RAD51C: variants seen among roughly 807,000 people sequenced by gnomAD.
RAD51C encodes the protein RAD51 paralog C, also known as DNA repair protein RAD51 homolog 3.
In RAD51C, 42 loss-of-function variants were observed where a neutral mutation model predicts 45.0. The observed-to-expected ratio is 0.93, with a 90% CI of 0.73 to 1.21. RAD51C has a LOEUF of 1.21. RAD51C is among the 50% of genes most tolerant of loss of function. The pLI is 0.00. For missense variants in RAD51C, 474 were observed against 452.2 expected, an observed-to-expected ratio of 1.05 and a Z score of -0.44; for synonymous variants, 172 against 159.8, an observed-to-expected ratio of 1.08 and a Z score of -0.58.
At chr17:58,701,644 C>T (rs986247825) in intron 3 of RAD51C, among the ~76,000 whole-genome samples, 3 of 150,658 alleles carry the variant, frequency 2.0e-5, no homozygotes, top group African/African-American at 7.3e-5. Context: ...GATCTCAGCT[C>T]ACTACAACCT....
intron 1 of RAD51C, chr17:58,693,054 AC>A (rs1306132146): frequency 6.9e-5 from 34 of 490,474 alleles, no homozygotes; most frequent in Non-Finnish European, 1.2e-4. Flanking sequence ...TTAACCCTCA[AC>A]CCGCTTACGT....
chr17:58,698,253 G>A (rs930121326), intron 3 of RAD51C, among the ~76,000 whole-genome samples: 2 of 148,790 alleles, frequency 1.3e-5, no homozygotes, highest in African/African-American at 5.0e-5. Flanking sequence ...CACAATCTCG[G>A]CTCACTGCAA....
chr17:58,716,058 T>TCA (rs2048721668), intron 5 of RAD51C, among the ~76,000 whole-genome samples: 1 of 149,720 alleles, frequency 6.7e-6, no homozygotes, highest in South Asian at 2.1e-4. Context: ...TGAGCCGAGG[T>TCA]CATGCCACTG....
At chr17:58,715,467 A>C (rs1229642507) in intron 5 of RAD51C, among the ~76,000 whole-genome samples, 2 of 151,908 alleles carry the variant, frequency 1.3e-5, no homozygotes, top group South Asian at 4.2e-4. Context: ...AAAAAAAAAA[A>C]AAAAAAAACC....
intron 1 of RAD51C, chr17:58,693,096 A>T (rs2047845574): frequency 2.8e-6 from 1 of 358,986 alleles, no homozygotes; most frequent in Non-Finnish European, 5.2e-6. Context: ...TGGATGAGAG[A>T]ACTGATATCT....
At chr17:58,702,786 C>G (rs1418803609) in intron 3 of RAD51C, among the ~76,000 whole-genome samples, 1 of 151,920 alleles carries the variant, frequency 6.6e-6, no homozygotes, top group African/African-American at 2.4e-5. Context: ...TCCCTTGAGC[C>G]TAGGAATTCG....
At chr17:58,702,001 GT>G (rs35306750) in intron 3 of RAD51C, among the ~76,000 whole-genome samples, 25 of 145,442 alleles carry the variant, frequency 1.7e-4, no homozygotes, top group Non-Finnish European at 2.7e-4. Context: ...TTATTTTTTT[GT>G]TTTTTTTTTT....
At chr17:58,707,532 A>G (rs2048416108) in intron 4 of RAD51C, among the ~76,000 whole-genome samples, 2 of 151,968 alleles carry the variant, frequency 1.3e-5, no homozygotes, top group Non-Finnish European at 2.9e-5. Context: ...AAAAAAAAAA[A>G]AAGCCTCACC....
intron 5 of RAD51C, 117 bp from the exon 6 acceptor site, chr17:58,720,629 T>C (rs2048885381): frequency 2.7e-6 from 2 of 732,336 alleles, no homozygotes; most frequent in Admixed American, 4.2e-5. Context: ...CATGCCACCA[T>C]GTCTGGTTAA....
intron 1 of RAD51C, 99 bp from the exon 2 acceptor site, chr17:58,694,832 G>T (rs2143714674): frequency 8.8e-7 from 1 of 1,135,944 alleles, no homozygotes; most frequent in Non-Finnish European, 1.3e-6. Flanking sequence ...TCCACTCCTA[G>T]CATCACTGTT....
intron 3 of RAD51C, among the ~76,000 whole-genome samples, chr17:58,700,549 TCTC>T (rs1262413187): frequency 6.6e-6 from 1 of 152,008 alleles, no homozygotes; most frequent in African/African-American, 2.4e-5. Context: ...TTCACGCCAT[TCTC>T]CTGCCTCAGC....
At chr17:58,726,078 T>C (rs2049112351) in intron 7 of RAD51C, among the ~76,000 whole-genome samples, 1 of 151,806 alleles carries the variant, frequency 6.6e-6, no homozygotes, top group Non-Finnish European at 1.5e-5. Flanking sequence ...TCTGCTGTTC[T>C]ATAATATTTT....
Position 58,734,446 on chromosome 17 carries a change from G to T in RAD51C, c.*224G>T. 4.3e-6 allele frequency: 3 copies of T among 697,000 alleles called. No homozygotes were observed. Among genetic ancestry groups the T allele is most frequent in the Non-Finnish European group, 6.9e-6 (3 of 436,342 alleles). The allele number at this position is 697,000 out of a possible 1,614,324, so 43.2% of individuals were successfully genotyped here. ...CTGTTTTCATTTTCAGTAACATTCA[G>T]TAGAGATGATTATTATATTTCACAA... On this transcript the variant is annotated 3_prime_UTR_variant, in exon 9 of 9. Transcript: ENST00000337432.
chr17:58,712,302 G>T (rs912540149), intron 5 of RAD51C, among the ~76,000 whole-genome samples: 1 of 132,702 alleles, frequency 7.5e-6, no homozygotes, highest in East Asian at 2.3e-4. Context: ...CCAAGATTGC[G>T]CCACTGCACT....
chr17:58,728,927 A>T (rs1390690288), intron 7 of RAD51C, among the ~76,000 whole-genome samples: 1 of 152,230 alleles, frequency 6.6e-6, no homozygotes, highest in Non-Finnish European at 1.5e-5. Flanking sequence ...AAGATTATTC[A>T]GAATTACACT....
In RAD51C at chr17:58,734,188, G is replaced by A. The variant is rs577852020; in HGVS notation, c.1097G>A (p.Arg366Gln). ...CAAACAGAAGGTTCCTTGAGCACCC[G>A]GAAACGGTCACGAGACCCAGAGGAA... ...SLQTEGSLST[R>Q]KRSRDPEEEL is the part of the protein sequence containing the mutation. The change falls in exon 9 of 9, where the codon CGG (arginine) becomes CAG (glutamine). Residue 366 changes from arginine (R) to glutamine (Q), a missense_variant. Transcript: ENST00000337432. 11 of 1,613,026 alleles carry A rather than the reference G, an allele frequency of 6.8e-6. No homozygotes were observed. Among genetic ancestry groups the A allele is most frequent in the Admixed American group, 1.7e-5 (1 of 59,914 alleles).
chr17:58,706,890 T>C lies in RAD51C; in HGVS notation c.706-2969T>C, dbSNP rs533837958. On this transcript the variant is annotated intron_variant, in intron 4 of 8. Coordinates refer to ENST00000337432, the MANE Select transcript of RAD51C (RefSeq NM_058216.3). ...TATAGAGTCATTGTTCAACCGTACC[T>C]TTGGTCTTCTCTCTAGAGCAAGCTT... Among the ~76,000 whole-genome samples, 6 of 152,316 alleles carry C rather than the reference T, an allele frequency of 3.9e-5. No individual in the cohort carries two copies. In the South Asian group the frequency reaches 1.2e-3, roughly 32 times the overall value.
In RAD51C at chr17:58,695,177, A is replaced by T. The variant is rs762761380; in HGVS notation, c.392A>T (p.Lys131Ile). The T allele has an allele frequency of 6.2e-7, 1 of 1,611,694 alleles. No individual in the cohort carries two copies. The highest frequency in any genetic ancestry group is 8.5e-7 in the Non-Finnish European group (1 of 1,178,448). ...TEICGAPGVGKTQLCMQLAVD... is the reference protein window; with the variant it reads ...TEICGAPGVGITQLCMQLAVD... ...ATTTGTGGTGCACCAGGTGTTGGAA[A>T]AACACAATTATGGTAAAATAAAGTG... is the stretch of plus-strand genomic sequence containing the variant. The change falls in exon 2 of 9, where the codon AAA becomes ATA. Residue 131 changes from lysine to isoleucine, a missense_variant. Physicochemically the swap from Lys to Ile is moderately radical, Grantham distance 102. Coordinates refer to ENST00000337432, the MANE Select transcript of RAD51C (RefSeq NM_058216.3).
chr17:58,703,329 G>A lies in RAD51C; in HGVS notation c.705G>A (p.Lys235=), dbSNP rs755849719. 3.7e-6 allele frequency: 6 copies of A among 1,611,404 alleles called. No homozygotes were observed. The highest frequency in any genetic ancestry group is 1.3e-5 in the African/African-American group (1 of 74,846). The change falls in exon 4 of 9, where the codon AAG becomes AAA. Residue 235 remains lysine, a splice_region_variant and synonymous_variant. Transcript: ENST00000337432. ...CAGATTTCCTTTCAGAACACTCAAA[G>A]GTATGAGTCAGACTACTGAAATGTA... The part of the protein sequence containing the change: ...LLPDFLSEHS[K]VRLVIVDGIA...
Sources: gnomAD v4.1 joint callset for allele counts (sites outside exome capture counted in the v4.1 genomes callset) on GRCh38, gnomAD v4.1.1 for gene constraint, MANE v1.5 for transcripts, NCBI Gene and HGNC (gene_info 2026-07-23, HGNC 2026-07-21) for gene names.